The following RBFOX1 variants were observed in gnomAD, a reference collection of about 807,000 sequenced individuals.
RBFOX1 encodes the protein RNA binding protein fox-1 homolog 1.
A neutral mutation model predicts 57.7 loss-of-function variants in RBFOX1; 8 were observed. The ratio of observed to expected loss-of-function variants is 0.14; its 90% CI spans 0.08 to 0.25. RBFOX1 has a LOEUF of 0.25. Ranked by LOEUF, RBFOX1 falls within the 10% of genes least tolerant of loss-of-function variation. The probability of loss-of-function intolerance (pLI) is 1.00; values close to 1 mark genes in which losing one functional copy is unlikely to be tolerated. For missense variants in RBFOX1, 611 were observed against 548.5 expected (o/e 1.11, Z -1.14); for synonymous variants, 326 against 222.4 (o/e 1.47, Z -4.15).
chr16:5,489,000 C>T (rs1241256243), intron 2 of RBFOX1, among the ~76,000 whole-genome samples: 1 of 152,178 alleles, frequency 6.6e-6, no homozygotes, highest in Non-Finnish European at 1.5e-5. Flanking sequence ...GGTAAATTCC[C>T]TTTCTGTCAT....
At chr16:6,735,567 T>C (rs1444278425) in intron 3 of RBFOX1, among the ~76,000 whole-genome samples, 1 of 152,222 alleles carries the variant, frequency 6.6e-6, no homozygotes, top group African/African-American at 2.4e-5. Context: ...CCCATGGATG[T>C]GACTTGTATT....
In RBFOX1 at chr16:7,712,847, A is replaced by C. The variant is rs116152372; in HGVS notation, c.*2102A>C. 1 of 152,238 alleles carries C rather than the reference A, an allele frequency of 6.6e-6. No homozygotes were observed. The highest frequency in any genetic ancestry group is 1.5e-5 in the Non-Finnish European group (1 of 68,042). 9.4% of individuals were successfully genotyped at this position (152,238 alleles called of 1,614,324 possible). A position where few individuals can be genotyped will look rare whatever the true frequency, so the allele number is the denominator to read the frequency against. On this transcript the variant is annotated 3_prime_UTR_variant, in exon 16 of 16. Transcript: ENST00000550418. ...TGCCGCCTCAGATTTCAAAATCCAG[A>C]ATTTGTATTGTGTTTCGAATCACAA...
chr16:7,576,676 T>C (rs146413702), intron 5 of RBFOX1, among the ~76,000 whole-genome samples: 1,682 of 152,354 alleles, frequency 0.011, 14 homozygotes, highest in Non-Finnish European at 0.02. Context: ...TTAATTTTAA[T>C]TTTCACATGA....
chr16:5,791,842 G>C (rs1249543801), intron 3 of RBFOX1, among the ~76,000 whole-genome samples: 1 of 152,138 alleles, frequency 6.6e-6, no homozygotes, highest in African/African-American at 2.4e-5. Flanking sequence ...TTGCTCTCTG[G>C]AAATAAAGAG....
chr16:6,008,502 A>G (rs1484578832), intron 4 of RBFOX1, among the ~76,000 whole-genome samples: 5 of 152,160 alleles, frequency 3.3e-5, no homozygotes, highest in African/African-American at 1.2e-4. Context: ...AATGTGGATT[A>G]CCATTTTCTA....
chr16:7,378,447 A>G (rs1455346651), intron 4 of RBFOX1, among the ~76,000 whole-genome samples: 1 of 152,186 alleles, frequency 6.6e-6, no homozygotes, highest in Non-Finnish European at 1.5e-5. Context: ...ATTTCATCGC[A>G]GAACTGCTGT....
chr16:7,107,365 C>T (rs73542461), intron 4 of RBFOX1, among the ~76,000 whole-genome samples: 2 of 152,120 alleles, frequency 1.3e-5, no homozygotes, highest in African/African-American at 4.8e-5. Flanking sequence ...ATTATTAGCT[C>T]AAACTGGAAG....
At chr16:6,319,227 T>A (rs2081471999) in intron 2 of RBFOX1, among the ~76,000 whole-genome samples, 3 of 152,184 alleles carry the variant, frequency 2.0e-5, no homozygotes, top group African/African-American at 7.2e-5. Flanking sequence ...CATATTTTAG[T>A]CTGAATCCAG....
intron 4 of RBFOX1, among the ~76,000 whole-genome samples, chr16:7,259,294 C>T (rs182694709): frequency 1.3e-5 from 2 of 152,218 alleles, no homozygotes; most frequent in East Asian, 3.9e-4. Context: ...AGGCTTAAAC[C>T]CTATGGAAAC....
intron 3 of RBFOX1, among the ~76,000 whole-genome samples, chr16:5,827,403 G>A (rs4435253): frequency 0.75 from 103,708 of 137,484 alleles, 38,892 homozygotes; most frequent in African/African-American, 0.89. Context: ...CCATCTCAGG[G>A]AAAAAAAAAA....
intron 4 of RBFOX1, among the ~76,000 whole-genome samples, chr16:7,147,907 G>C (rs966102386): frequency 6.6e-6 from 1 of 152,188 alleles, no homozygotes; most frequent in Non-Finnish European, 1.5e-5. Context: ...GCTTTCGCCA[G>C]GGGCTGAACT....
intron 4 of RBFOX1, among the ~76,000 whole-genome samples, chr16:7,151,293 G>C (rs2127066): frequency 5.8e-4 from 89 of 152,256 alleles, no homozygotes; most frequent in African/African-American, 2.0e-3. Context: ...TCTGATTACA[G>C]TCAACAGAAA....
At chr16:5,912,999 C>T (rs1032747454) in intron 4 of RBFOX1, among the ~76,000 whole-genome samples, 1 of 152,156 alleles carries the variant, frequency 6.6e-6, no homozygotes, top group Non-Finnish European at 1.5e-5. Flanking sequence ...AAGTTCTCTT[C>T]TTAGGGTCAG....
intron 2 of RBFOX1, among the ~76,000 whole-genome samples, chr16:6,400,861 T>G (rs924315444): frequency 7.9e-5 from 12 of 152,142 alleles, no homozygotes; most frequent in Admixed American, 7.2e-4. Context: ...TGCCACTGCA[T>G]TCCAGTGAAA....
rs115410949 is a variant in RBFOX1, at chr16:5,434,286, C to G, written c.220-32930C>G. Reference sequence around the variant, plus strand: ...CCCTGGGCTTCCATCCCCAGACACACGCATCAGAGGGAGCCATCTCTGCTG... The same window carrying G: ...CCCTGGGCTTCCATCCCCAGACACAGGCATCAGAGGGAGCCATCTCTGCTG... On this transcript the variant is annotated intron_variant, in intron 1 of 2. Transcript: ENST00000585867. Among the ~76,000 whole-genome samples, 598 of 147,056 alleles carry G rather than the reference C, an allele frequency of 4.1e-3. 4 individuals carry two copies. The highest frequency in any genetic ancestry group is 0.014 in the African/African-American group (568 of 39,998).
intron 3 of RBFOX1, among the ~76,000 whole-genome samples, chr16:6,987,466 C>CAG (rs148927362): frequency 2.8e-5 from 3 of 107,590 alleles, no homozygotes; most frequent in African/African-American, 1.1e-4. Flanking sequence ...GACACACACA[C>CAG]ACACACACAC....
At chr16:6,885,540 TA>T (rs1567713690) in intron 3 of RBFOX1, among the ~76,000 whole-genome samples, 2 of 134,630 alleles carry the variant, frequency 1.5e-5, no homozygotes, top group African/African-American at 2.8e-5. Context: ...TTATTTTTTT[TA>T]TTTTTTTTGA....
At chr16:6,851,631 G>C (rs1427223071) in intron 3 of RBFOX1, among the ~76,000 whole-genome samples, 1 of 152,082 alleles carries the variant, frequency 6.6e-6, no homozygotes. Context: ...CTCCTCTCAA[G>C]CCTCCTGTTG....
chr16:5,997,190 T>C (rs28513271), intron 4 of RBFOX1, among the ~76,000 whole-genome samples: 2 of 150,726 alleles, frequency 1.3e-5, no homozygotes, highest in South Asian at 4.3e-4. Context: ...TGTCCAAACC[T>C]ACCAGGAAGC....
Sources: allele counts gnomAD v4.1 joint callset (sites outside exome capture counted in the v4.1 genomes callset), GRCh38; gene constraint gnomAD v4.1.1; transcripts MANE v1.5; gene names NCBI Gene and HGNC (gene_info 2026-07-23, HGNC 2026-07-21).